The following ADCY10 variants were observed in gnomAD, a reference collection of about 807,000 sequenced individuals.
ADCY10 encodes adenylate cyclase type 10.
ADCY10 carries 156 observed loss-of-function variants against 183.3 expected under a neutral mutation model. The ratio of observed to expected loss-of-function variants is 0.85; its 90% CI spans 0.75 to 0.97. The LOEUF (loss-of-function observed/expected upper bound fraction) is 0.97, where lower values mean the gene tolerates loss of function less well. Among genes scored for constraint, ADCY10 ranks in the 50% least tolerant of loss-of-function variants. The pLI, the probability that ADCY10 is intolerant of heterozygous loss-of-function variation, is 0.00. For missense variants in ADCY10, 1,745 were observed against 1,934.3 expected, an observed-to-expected ratio of 0.90 and a Z score of 1.84; for synonymous variants, 645 against 670.0, an observed-to-expected ratio of 0.96 and a Z score of 0.58.
rs956412061 is a variant in ADCY10, at chr1:167,824,562, G to T, written c.3966C>A (p.Ala1322=). ...LDLAIELGSR[A]LQMWALLQNP... is the part of the protein sequence containing the mutation. ...TCTGGAGCAGTGCCCACATCTGAAG[G>T]GCTCGGGAGCCTGGGAAGAAAACAA... Residue 1322 remains alanine (A), a synonymous_variant, in exon 28 of 33, where the codon GCC becomes GCA. Coordinates refer to ENST00000367851, the MANE Select transcript of ADCY10 (RefSeq NM_018417.6). The T allele has an allele frequency of 6.2e-7, 1 of 1,614,174 alleles. No homozygotes were observed. Among genetic ancestry groups the T allele is most frequent in the South Asian group, 1.1e-5 (1 of 91,086 alleles).
chr1:167,885,865 C>T (rs1285284955), intron 8 of ADCY10, among the ~76,000 whole-genome samples: 4 of 152,160 alleles, frequency 2.6e-5, no homozygotes, highest in Non-Finnish European at 4.4e-5. Context: ...TTGCCCACCT[C>T]GGCCTCCCAA....
chr1:167,902,418 T>C (rs1378258852), intron 3 of ADCY10, among the ~76,000 whole-genome samples: 1 of 152,194 alleles, frequency 6.6e-6, no homozygotes, highest in Non-Finnish European at 1.5e-5. Flanking sequence ...TGTGTAAGCA[T>C]GGGTGGGTGG....
chr1:167,896,481 G>A, intron 7 of ADCY10, 114 bp downstream of exon 7: 1 of 849,508 alleles, frequency 1.2e-6, no homozygotes, highest in South Asian at 1.3e-5. Context: ...TGCTGGTAAG[G>A]ACCAGGAGCT....
At chr1:167,875,588 A>G (rs1331387890) in intron 12 of ADCY10, among the ~76,000 whole-genome samples, 3 of 152,246 alleles carry the variant, frequency 2.0e-5, no homozygotes, top group African/African-American at 7.2e-5. Flanking sequence ...AGCACATGCT[A>G]TGTGTCTGGC....
chr1:167,821,383 C>T (rs914335741), intron 30 of ADCY10, among the ~76,000 whole-genome samples: 3 of 152,206 alleles, frequency 2.0e-5, no homozygotes, highest in African/African-American at 7.2e-5. Flanking sequence ...CTTGCCCTTT[C>T]AATGATAAGG....
At chr1:167,867,925 GGCA>G (rs1455364030) in intron 14 of ADCY10, among the ~76,000 whole-genome samples, 1 of 152,110 alleles carries the variant, frequency 6.6e-6, no homozygotes, top group African/African-American at 2.4e-5. Context: ...AAAAGGAGAA[GGCA>G]GCCCCTCCTG....
intron 21 of ADCY10, among the ~76,000 whole-genome samples, chr1:167,841,187 C>T (rs550107109): frequency 1.3e-5 from 2 of 152,258 alleles, no homozygotes; most frequent in East Asian, 3.9e-4. Context: ...AGCAATCCAC[C>T]TGTCTCAGCC....
At chr1:167,893,620 C>T (rs928693943) in intron 8 of ADCY10, among the ~76,000 whole-genome samples, 3 of 143,716 alleles carry the variant, frequency 2.1e-5, no homozygotes, top group East Asian at 2.2e-4. Context: ...TGCTTGAACC[C>T]GGGAGGCGGA....
intron 13 of ADCY10, among the ~76,000 whole-genome samples, chr1:167,874,441 C>A (rs78111198): frequency 0.015 from 2,317 of 152,250 alleles, 25 homozygotes; most frequent in East Asian, 0.076. Flanking sequence ...CCACTATACA[C>A]CCAACAGAAT....
At position 167,870,531 on chromosome 1, in the gene ADCY10, T is replaced by C. The variant is rs1311157589; in HGVS notation, c.1463-121A>G. 5.8e-6 allele frequency: 5 copies of C among 856,356 alleles called. No homozygotes were observed. In the Admixed American group the frequency reaches 6.7e-5, roughly 11 times the overall value. 53.0% of individuals were successfully genotyped at this position (856,356 alleles called of 1,614,324 possible). Reference sequence around the variant, plus strand: ...CCTTGGGCCAGGCGCTGTGGCTCACTCCTGTAATCCCAGCACTTTGGGAGG... The same window carrying C: ...CCTTGGGCCAGGCGCTGTGGCTCACCCCTGTAATCCCAGCACTTTGGGAGG... On this transcript the variant is annotated intron_variant, in intron 13 of 32. Transcript: ENST00000367851.
rs1374777259 is a variant in ADCY10 at position 167,896,666 on chromosome 1, T to C, written c.668A>G (p.Asn223Ser). The part of the protein sequence containing the change: ...VKVNFLKPPP[N>S]FNFDEFFTKC... ...TGTGAAAAATTCATCAAAATTAAAATTGGGGGGTGGTTTTAAGAAGTTAAC... is the reference window on the plus strand; with the variant it reads ...TGTGAAAAATTCATCAAAATTAAAACTGGGGGGTGGTTTTAAGAAGTTAAC... The change falls in exon 7 of 33, where the codon AAT (asparagine) becomes AGT (serine). Residue 223 changes from asparagine (N) to serine (S), a missense_variant. Transcript: ENST00000367851. 1.2e-6 allele frequency: 2 copies of C among 1,612,954 alleles called. No homozygotes were observed. Among genetic ancestry groups the C allele is most frequent in the East Asian group, 2.2e-5 (1 of 44,880 alleles).
At position 167,870,400 on chromosome 1, in the gene ADCY10, T is replaced by C. The variant is rs1220614132; in HGVS notation, c.1473A>G (p.Lys491=). Residue 491 remains lysine (K), a synonymous_variant, in exon 14 of 33, where the codon AAA becomes AAG. Coordinates refer to ENST00000367851, the MANE Select transcript of ADCY10 (RefSeq NM_018417.6). ...TAGTATACATGAAGTAGTTGATCTC[T>C]TTATTACGTCCTGTTATTTTTAGTT... ...KEDYPLLGRN[K]EINYFMYTMK... 6.2e-7 allele frequency: 1 copy of C among 1,608,990 alleles called. No homozygotes were observed. The highest frequency in any genetic ancestry group is 8.5e-7 in the Non-Finnish European group (1 of 1,175,682).
At chr1:167,861,130 T>TTTCCTTCAACCTCTA in intron 14 of ADCY10, 67 bp from the exon 15 acceptor site, 1 of 1,355,562 alleles carries the variant, frequency 7.4e-7, no homozygotes, top group Non-Finnish European at 1.0e-6. Flanking sequence ...ATAATAGAGG[T>TTTCCTTCAACCTCTA]TGAAGGAAAG....
At chr1:167,899,723 A>C (rs1323745885) in intron 5 of ADCY10, 95 bp from the exon 6 acceptor site, 1 of 1,187,826 alleles carries the variant, frequency 8.4e-7, no homozygotes, top group Non-Finnish European at 1.2e-6. Flanking sequence ...TGGTGGGACT[A>C]TACTATCTCA....
chr1:167,861,442 A>G (rs1396241444), intron 14 of ADCY10, among the ~76,000 whole-genome samples: 1 of 151,856 alleles, frequency 6.6e-6, no homozygotes, highest in Non-Finnish European at 1.5e-5. Context: ...CTTTCTTGCC[A>G]CTCTCTGCCT....
intron 14 of ADCY10, among the ~76,000 whole-genome samples, chr1:167,868,981 G>A (rs1430296535): frequency 1.3e-5 from 2 of 152,124 alleles, no homozygotes; most frequent in South Asian, 2.1e-4. Flanking sequence ...ATTGGCTCTC[G>A]ACTACTTCTA....
rs114149173 is a variant in ADCY10 at position 167,855,698 on chromosome 1, C to T, written c.2171+467G>A. On this transcript the variant is annotated intron_variant, in intron 17 of 32. Coordinates refer to ENST00000367851, the MANE Select transcript of ADCY10 (RefSeq NM_018417.6). Reference sequence around the variant, plus strand: ...GGTGAGCAACATCCATCCTACCAAGCATTATGAATGGCTCCTTCAAAAGGT... The same window carrying T: ...GGTGAGCAACATCCATCCTACCAAGTATTATGAATGGCTCCTTCAAAAGGT... Among the ~76,000 whole-genome samples the T allele has an allele frequency of 3.1e-3, 477 of 152,268 alleles. 3 individuals are homozygous for T. Among genetic ancestry groups the T allele is most frequent in the African/African-American group, 0.011 (463 of 41,544 alleles).
rs202015026 is a variant in ADCY10 at position 167,822,991 on chromosome 1, C to T, written c.4168+17G>A. ...TCAACACCCCCAAGTTCTTTTACAT[C>T]CCAAACCCACACTTACCAGAATAAA... On this transcript the variant is annotated intron_variant, in intron 29 of 32. Coordinates refer to ENST00000367851, the MANE Select transcript of ADCY10 (RefSeq NM_018417.6). The T allele has an allele frequency of 2.8e-5, 45 of 1,611,574 alleles. No homozygotes were observed. In the African/African-American group the frequency reaches 4.9e-4, roughly 18 times the overall value.
At chr1:167,810,676 T>C in intron 32 of ADCY10, 49 bp downstream of exon 32, 3 of 1,588,766 alleles carry the variant, frequency 1.9e-6, no homozygotes, top group Non-Finnish European at 2.6e-6. Context: ...CTGGGCTTCT[T>C]TATATGGGTG....
Sources: allele counts gnomAD v4.1 joint callset (sites outside exome capture counted in the v4.1 genomes callset), GRCh38; gene constraint gnomAD v4.1.1; transcripts MANE v1.5; gene names NCBI Gene and HGNC (gene_info 2026-07-23, HGNC 2026-07-21).